APBB1IP: variants seen among roughly 807,000 people sequenced by gnomAD.
APBB1IP encodes amyloid beta precursor protein binding family B member 1 interacting protein.
APBB1IP carries 27 observed loss-of-function variants against 64.9 expected under a neutral mutation model. That is an observed-to-expected ratio of 0.42 (90% CI 0.31 to 0.57). The LOEUF is 0.57. Ranked by LOEUF, APBB1IP falls within the 20% of genes least tolerant of loss-of-function variation. APBB1IP has a pLI of 0.20. For synonymous variants in APBB1IP, 392 were observed against 331.0 expected (o/e 1.18, Z -2.00); for missense variants, 812 against 845.5 (o/e 0.96, Z 0.49).
chr10:26,545,901 A>T (rs907144183), intron 11 of APBB1IP, among the ~76,000 whole-genome samples: 8 of 152,192 alleles, frequency 5.3e-5, no homozygotes, highest in African/African-American at 1.9e-4. Context: ...CAGTGAGCCA[A>T]GATCACGCCA....
intron 8 of APBB1IP, among the ~76,000 whole-genome samples, chr10:26,531,405 T>C (rs184026844): frequency 1.8e-4 from 28 of 152,222 alleles, no homozygotes; most frequent in Admixed American, 5.2e-4. Flanking sequence ...CGGTGGCTCA[T>C]GCCTGTAATC....
chr10:26,501,590 G>A (rs1179664959), intron 5 of APBB1IP: 1 of 171,932 alleles, frequency 5.8e-6, no homozygotes, highest in African/African-American at 2.4e-5. Context: ...GTCATAGTTG[G>A]GGAGGGTGTT....
rs77349827 is a variant in APBB1IP at position 26,497,906 on chromosome 10, T to C, written c.160+1515T>C. Among the ~76,000 whole-genome samples, 355 of 152,050 alleles carry C rather than the reference T, an allele frequency of 2.3e-3. 11 individuals carry two copies. The East Asian group carries it at 0.055, about 24-fold the overall frequency. ...CATGACTGGCTAATTTTTGTATTTT[T>C]AGTAGAGACGGGGTTTTGCCATGTT... On this transcript the variant is annotated intron_variant, in intron 4 of 14. Transcript: ENST00000376236.
chr10:26,549,867 A>G (rs1375029394), intron 11 of APBB1IP, among the ~76,000 whole-genome samples: 1 of 151,526 alleles, frequency 6.6e-6, no homozygotes, highest in Non-Finnish European at 1.5e-5. Context: ...GATCTTTATT[A>G]TTTCTTTTCT....
At chr10:26,447,864 G>A (rs1564347237) in intron 2 of APBB1IP, among the ~76,000 whole-genome samples, 1 of 151,932 alleles carries the variant, frequency 6.6e-6, no homozygotes, top group Non-Finnish European at 1.5e-5. Flanking sequence ...TTGAACTCTT[G>A]GGCTCAAGCA....
chr10:26,495,164 C>A (rs1352421000), intron 3 of APBB1IP, among the ~76,000 whole-genome samples: 1 of 151,574 alleles, frequency 6.6e-6, no homozygotes, highest in Non-Finnish European at 1.5e-5. Context: ...TGCACCACCA[C>A]ACCCAGCTAA....
At chr10:26,451,484 T>C (rs1374166113) in intron 2 of APBB1IP, among the ~76,000 whole-genome samples, 1 of 152,222 alleles carries the variant, frequency 6.6e-6, no homozygotes, top group Admixed American at 6.5e-5. Context: ...AGATCTGAGG[T>C]AACTCAGAGG....
intron 9 of APBB1IP, 86 bp downstream of exon 9, chr10:26,533,611 T>G (rs1836580974): frequency 1.3e-6 from 1 of 796,230 alleles, no homozygotes; most frequent in Non-Finnish European, 1.9e-6. Flanking sequence ...AATGGAAAAA[T>G]CTAAAGACAT....
At chr10:26,472,366 A>T (rs1331736122) in intron 2 of APBB1IP, among the ~76,000 whole-genome samples, 1 of 152,186 alleles carries the variant, frequency 6.6e-6, no homozygotes, top group African/African-American at 2.4e-5. Flanking sequence ...AAAGGAAAGC[A>T]TTTTACAATC....
intron 2 of APBB1IP, among the ~76,000 whole-genome samples, chr10:26,464,696 A>G (rs1835629136): frequency 6.6e-6 from 1 of 152,244 alleles, no homozygotes; most frequent in Non-Finnish European, 1.5e-5. Flanking sequence ...GGCGTGAGCC[A>G]CCATGCCCAG....
chr10:26,550,588 G>C (rs1836818426), intron 11 of APBB1IP, among the ~76,000 whole-genome samples: 1 of 151,840 alleles, frequency 6.6e-6, no homozygotes. Flanking sequence ...TCAGCTCTAG[G>C]ATTTGTTTGT....
chr10:26,563,344 C>T (rs541810708), intron 14 of APBB1IP, among the ~76,000 whole-genome samples: 1 of 152,088 alleles, frequency 6.6e-6, no homozygotes, highest in South Asian at 2.1e-4. Flanking sequence ...CAGATAAAGA[C>T]CCTGTCTTAA....
chr10:26,466,949 A>T (rs1378265581), intron 2 of APBB1IP, among the ~76,000 whole-genome samples: 1 of 152,082 alleles, frequency 6.6e-6, no homozygotes, highest in Non-Finnish European at 1.5e-5. Flanking sequence ...AAAAAAAATT[A>T]TGTAGTTGTC....
intron 8 of APBB1IP, among the ~76,000 whole-genome samples, chr10:26,532,085 A>C (rs566219356): frequency 1.3e-5 from 2 of 152,342 alleles, no homozygotes; most frequent in East Asian, 3.9e-4. Flanking sequence ...ATCAAGTTTC[A>C]AGGTGGTCTG....
chr10:26,560,226 C>T (rs1836949864), intron 12 of APBB1IP, 23 bp downstream of exon 12: 6 of 1,607,304 alleles, frequency 3.7e-6, no homozygotes, highest in Non-Finnish European at 5.1e-6. Flanking sequence ...TCGGACTTCA[C>T]CCTGTCTTGA....
At chr10:26,482,227 A>G (rs1461828305) in intron 2 of APBB1IP, among the ~76,000 whole-genome samples, 1 of 152,180 alleles carries the variant, frequency 6.6e-6, no homozygotes, top group Non-Finnish European at 1.5e-5. Flanking sequence ...TTGGCCCAAG[A>G]GGTTTCTTCA....
chr10:26,486,002 C>T (rs1588581382), intron 2 of APBB1IP, among the ~76,000 whole-genome samples: 1 of 151,862 alleles, frequency 6.6e-6, no homozygotes, highest in Admixed American at 6.6e-5. Flanking sequence ...GGTGGAGGTG[C>T]GAGGATCACT....
At chr10:26,543,415 C>T (rs931202499) in intron 11 of APBB1IP, among the ~76,000 whole-genome samples, 59 of 148,784 alleles carry the variant, frequency 4.0e-4, no homozygotes, top group Admixed American at 6.8e-4. Flanking sequence ...TGCAGTGAGC[C>T]GAGATCGCAC....
intron 2 of APBB1IP, among the ~76,000 whole-genome samples, chr10:26,466,988 A>G (rs1835655580): frequency 1.3e-5 from 2 of 152,152 alleles, no homozygotes; most frequent in Non-Finnish European, 2.9e-5. Context: ...AGTGAGAATG[A>G]GTTTGATTCC....
Sources: allele counts gnomAD v4.1 joint callset (sites outside exome capture counted in the v4.1 genomes callset), GRCh38; gene constraint gnomAD v4.1.1; transcripts MANE v1.5; gene names NCBI Gene and HGNC (gene_info 2026-07-23, HGNC 2026-07-21).